The following CNTNAP5 variants were observed in gnomAD, a reference collection of about 807,000 sequenced individuals.
The protein encoded by CNTNAP5 is contactin-associated protein-like 5.
CNTNAP5 carries 72 observed loss-of-function variants against 150.2 expected under a neutral mutation model. The observed-to-expected ratio is 0.48, with a 90% CI of 0.40 to 0.58. The LOEUF (loss-of-function observed/expected upper bound fraction) is 0.58. Among genes scored for constraint, CNTNAP5 ranks in the 20% least tolerant of loss-of-function variants. CNTNAP5 has a pLI of 0.00. For synonymous variants in CNTNAP5, 672 were observed against 619.8 expected (o/e 1.08, Z -1.25); for missense variants, 1,636 against 1,626.2 (o/e 1.01, Z -0.10).
intron 18 of CNTNAP5, among the ~76,000 whole-genome samples, chr2:124,793,689 A>G (rs6729246): frequency 0.077 from 11,653 of 152,090 alleles, 757 homozygotes; most frequent in African/African-American, 0.17. Flanking sequence ...GTGAATTTTC[A>G]TATTTGTTGT....
chr2:124,520,722 A>C, intron 8 of CNTNAP5, among the ~76,000 whole-genome samples: 1 of 151,774 alleles, frequency 6.6e-6, no homozygotes, highest in East Asian at 1.9e-4. Context: ...TCCTAAGATA[A>C]TTTTTTTCCC....
intron 19 of CNTNAP5, among the ~76,000 whole-genome samples, chr2:124,856,610 G>T (rs1677380500): frequency 6.6e-6 from 1 of 151,958 alleles, no homozygotes; most frequent in Admixed American, 6.6e-5. Flanking sequence ...CATTTTATTT[G>T]GACTTTTAGA....
chr2:124,606,770 C>G (rs1677228464), intron 11 of CNTNAP5, among the ~76,000 whole-genome samples: 1 of 152,170 alleles, frequency 6.6e-6, no homozygotes, highest in South Asian at 2.1e-4. Flanking sequence ...ATGATCAGAT[C>G]TCTTGAGACT....
rs141650515 is a variant in CNTNAP5 at position 124,434,369 on chromosome 2, C to T, written c.530-115C>T. On this transcript the variant is annotated intron_variant, in intron 4 of 23. Transcript: ENST00000682447. ...TACATGTTTCCTGTTGAGACTAGAC[C>T]TGGCAGATCTCAAGAACATTTCTGT... 1.8e-4 allele frequency: 146 copies of T among 797,096 alleles called. No homozygotes were observed. The African/African-American group carries it at 2.3e-3, about 13-fold the overall frequency. The allele number at this position is 797,096 out of a possible 1,614,324, so 49.4% of individuals were successfully genotyped here.
At chr2:124,239,622 C>G (rs1346316112) in intron 2 of CNTNAP5, among the ~76,000 whole-genome samples, 1 of 151,898 alleles carries the variant, frequency 6.6e-6, no homozygotes, top group Admixed American at 6.6e-5. Flanking sequence ...ACATTCACCA[C>G]AGACAAAATC....
Position 124,284,815 on chromosome 2 carries a change from G to A in CNTNAP5, c.381+42422G>A, listed in dbSNP as rs547694919. Among the ~76,000 whole-genome samples the A allele has an allele frequency of 2.0e-5, 3 of 152,246 alleles. No individual in the cohort carries two copies. In the East Asian group the frequency reaches 5.8e-4, roughly 30 times the overall value. Reference sequence around the variant, plus strand: ...TTGTTATGCCTGCTTCTAAGGTGGAGTGTGTGCTGGGCAGAAGCAGTAGGC... The same window carrying A: ...TTGTTATGCCTGCTTCTAAGGTGGAATGTGTGCTGGGCAGAAGCAGTAGGC... On this transcript the variant is annotated intron_variant, in intron 3 of 23. Coordinates refer to ENST00000682447, the MANE Select transcript of CNTNAP5 (RefSeq NM_001367498.1).
At chr2:124,060,514 G>A (rs533667524) in intron 1 of CNTNAP5, among the ~76,000 whole-genome samples, 5 of 152,186 alleles carry the variant, frequency 3.3e-5, no homozygotes, top group Admixed American at 1.3e-4. Context: ...GTAGTCAACA[G>A]TTTGAACTAC....
chr2:124,416,405 A>G (rs1691918421), intron 3 of CNTNAP5, among the ~76,000 whole-genome samples: 1 of 149,490 alleles, frequency 6.7e-6, no homozygotes, highest in African/African-American at 2.5e-5. Context: ...CTTATTGTTC[A>G]CATGTCATTC....
At chr2:124,419,369 A>G (rs886977021) in intron 4 of CNTNAP5, among the ~76,000 whole-genome samples, 2 of 152,264 alleles carry the variant, frequency 1.3e-5, no homozygotes, top group Non-Finnish European at 1.5e-5. Context: ...GAGTTAAATC[A>G]CAGGCTGCAG....
At position 124,195,563 on chromosome 2, in the gene CNTNAP5, G is replaced by A. The variant is rs542099192; in HGVS notation, c.83-26142G>A. ...CAGTAGGCTGGGTTTGGCCCCTACT[G>A]TAGTTTGTAGTTTGTCCATTCCTGT... is the stretch of plus-strand genomic sequence containing the variant. On this transcript the variant is annotated intron_variant, in intron 1 of 23. Coordinates refer to ENST00000682447, the MANE Select transcript of CNTNAP5 (RefSeq NM_001367498.1). Among the ~76,000 whole-genome samples the A allele has an allele frequency of 3.3e-5, 5 of 152,228 alleles. No homozygotes were observed. The East Asian group carries it at 7.7e-4, about 24-fold the overall frequency.
chr2:124,553,991 T>A (rs1278686737), intron 10 of CNTNAP5, among the ~76,000 whole-genome samples: 1 of 152,228 alleles, frequency 6.6e-6, no homozygotes, highest in Non-Finnish European at 1.5e-5. Flanking sequence ...CTGCAAAGGA[T>A]GATTTTTGAA....
chr2:124,264,652 G>T (rs1433829768), intron 3 of CNTNAP5, among the ~76,000 whole-genome samples: 9 of 152,132 alleles, frequency 5.9e-5, no homozygotes, highest in African/African-American at 2.2e-4. Context: ...GCTCATGTGG[G>T]GTGGGATGGA....
At chr2:124,391,495 C>T (rs992654981) in intron 3 of CNTNAP5, among the ~76,000 whole-genome samples, 2 of 152,196 alleles carry the variant, frequency 1.3e-5, no homozygotes, top group African/African-American at 4.8e-5. Flanking sequence ...TCATCGTCTT[C>T]TCTAAATTGC....
rs1231603176 is a variant in CNTNAP5 at position 124,733,982 on chromosome 2, CAT to C, written c.2078-13246_2078-13245del. Among the ~76,000 whole-genome samples the C allele has an allele frequency of 5.3e-5, 8 of 152,134 alleles. No individual in the cohort carries two copies. The South Asian group carries it at 1.2e-3, about 24-fold the overall frequency. On this transcript the variant is annotated intron_variant, in intron 13 of 23. Transcript: ENST00000682447. ...CCTAAGGCTGCAAAAAATGGGAAAA[CAT>C]GTGTGAAGCCTGAGTAGGAAGAAGG...
intron 13 of CNTNAP5, among the ~76,000 whole-genome samples, chr2:124,746,983 T>A: frequency 6.7e-6 from 1 of 149,954 alleles, no homozygotes; most frequent in African/African-American, 2.5e-5. Flanking sequence ...TTTAAATATA[T>A]AGAAAGAGTG....
At chr2:124,415,000 C>T (rs1426586832) in intron 3 of CNTNAP5, among the ~76,000 whole-genome samples, 1 of 152,258 alleles carries the variant, frequency 6.6e-6, no homozygotes, top group Non-Finnish European at 1.5e-5. Flanking sequence ...AACCCATCTC[C>T]CTTCCTTCCC....
rs115694535 is a variant in CNTNAP5 at position 124,402,570 on chromosome 2, G to A, written c.382-14873G>A. On this transcript the variant is annotated intron_variant, in intron 3 of 23. Transcript: ENST00000682447. Reference sequence around the variant, plus strand: ...AATCCTTGTGTTGTTTCTCTAATCTGGAGGTCATAACCAGGCAAAGCAAGC... The same window carrying A: ...AATCCTTGTGTTGTTTCTCTAATCTAGAGGTCATAACCAGGCAAAGCAAGC... 5.6e-3 allele frequency among the ~76,000 whole-genome samples: 846 copies of A among 152,256 alleles called. 10 individuals are homozygous for A. Among genetic ancestry groups the A allele is most frequent in the African/African-American group, 0.019 (797 of 41,544 alleles).
intron 1 of CNTNAP5, among the ~76,000 whole-genome samples, chr2:124,217,263 C>A (rs59654770): frequency 0.019 from 2,886 of 152,154 alleles, 110 homozygotes; most frequent in African/African-American, 0.067. Context: ...TATCTTCAGA[C>A]CCCAGTTTCT....
intron 10 of CNTNAP5, among the ~76,000 whole-genome samples, chr2:124,552,998 G>A (rs1057387503): frequency 1.3e-5 from 2 of 152,020 alleles, no homozygotes; most frequent in Admixed American, 6.6e-5. Flanking sequence ...ATTTTACATT[G>A]TTTTTGTGCA....
Sources: gnomAD v4.1 joint callset for allele counts (sites outside exome capture counted in the v4.1 genomes callset) on GRCh38, gnomAD v4.1.1 for gene constraint, MANE v1.5 for transcripts, NCBI Gene and HGNC (gene_info 2026-07-23, HGNC 2026-07-21) for gene names.